The following SNX10 variants were observed in gnomAD, a reference collection of about 807,000 sequenced individuals.
The protein encoded by SNX10 is sorting nexin-10.
In SNX10, 25 loss-of-function variants were observed where a neutral mutation model predicts 28.5. The ratio of observed to expected loss-of-function variants is 0.88; its 90% confidence interval spans 0.64 to 1.22. The LOEUF is 1.22. Among genes scored for constraint, SNX10 ranks in the 50% most tolerant of loss-of-function variants. SNX10 has a pLI of 0.00. For synonymous variants in SNX10, 62 were observed against 81.4 expected (o/e 0.76, Z 1.28); for missense variants, 223 against 242.6 (o/e 0.92, Z 0.54).
intron 1 of SNX10, among the ~76,000 whole-genome samples, chr7:26,303,237 C>A (rs1283779597): frequency 2.0e-5 from 3 of 152,208 alleles, no homozygotes; most frequent in East Asian, 3.8e-4. Flanking sequence ...GAGAAACTTT[C>A]CTAAGTTAGC....
At chr7:26,345,156 CTT>C in intron 1 of SNX10, among the ~76,000 whole-genome samples, 1 of 152,302 alleles carries the variant, frequency 6.6e-6, no homozygotes, top group East Asian at 1.9e-4. Context: ...TCCAAAGACT[CTT>C]TTTTCAAATA....
At chr7:26,323,424 G>T (rs903230704) in intron 1 of SNX10, among the ~76,000 whole-genome samples, 3 of 152,116 alleles carry the variant, frequency 2.0e-5, no homozygotes, top group Admixed American at 6.6e-5. Flanking sequence ...CATAGTAGAT[G>T]CGAAGGCCCT....
intron 1 of SNX10, among the ~76,000 whole-genome samples, chr7:26,342,028 C>CTTTTT (rs35337348): frequency 1.8e-5 from 2 of 111,648 alleles, no homozygotes; most frequent in South Asian, 2.9e-4. Flanking sequence ...TTTCTTCTTT[C>CTTTTT]TTTTTTTTTT....
At chr7:26,367,219 T>C (rs999251839) in intron 5 of SNX10, among the ~76,000 whole-genome samples, 2 of 152,164 alleles carry the variant, frequency 1.3e-5, no homozygotes, top group African/African-American at 4.8e-5. Context: ...TAGATGTTTA[T>C]TAAGTGAATG....
At chr7:26,312,644 C>G (rs1021765928) in intron 1 of SNX10, among the ~76,000 whole-genome samples, 2 of 152,040 alleles carry the variant, frequency 1.3e-5, no homozygotes, top group African/African-American at 4.8e-5. Context: ...ATTAGCCAGG[C>G]GTGTTGGCGC....
At chr7:26,306,952 A>G (rs556182606) in intron 1 of SNX10, among the ~76,000 whole-genome samples, 1 of 152,184 alleles carries the variant, frequency 6.6e-6, no homozygotes, top group Non-Finnish European at 1.5e-5. Flanking sequence ...CAGAATGTGA[A>G]TTCACAACCA....
In SNX10 at chr7:26,372,623, T is replaced by G; in HGVS notation, c.*51T>G. 6 of 1,049,356 alleles carry G rather than the reference T, an allele frequency of 5.7e-6. 1 individual carries two copies. In the South Asian group the frequency reaches 7.5e-5, roughly 13 times the overall value. 65.0% of individuals were successfully genotyped at this position (1,049,356 alleles called of 1,614,324 possible). A position where few individuals can be genotyped will look rare whatever the true frequency, so the allele number is the denominator to read the frequency against. On this transcript the variant is annotated 3_prime_UTR_variant, in exon 7 of 7. Coordinates refer to ENST00000338523, the MANE Select transcript of SNX10 (RefSeq NM_013322.3). ...AGGAATAGCAAATTATGTCCAGTCA[T>G]AGAGAAGAAAGCTTCATAATAATAC...
chr7:26,348,288 C>G (rs186630970), intron 2 of SNX10, among the ~76,000 whole-genome samples: 1 of 152,164 alleles, frequency 6.6e-6, no homozygotes, highest in Non-Finnish European at 1.5e-5. Context: ...CCGGGAAATA[C>G]CCGCCCATGA....
intron 2 of SNX10, among the ~76,000 whole-genome samples, chr7:26,352,977 C>T (rs1413291424): frequency 1.3e-5 from 2 of 151,438 alleles, no homozygotes; most frequent in African/African-American, 4.9e-5. Context: ...TTTCTTACTG[C>T]AGAAGAGGAG....
chr7:26,327,869 A>G (rs1357176385), intron 1 of SNX10, among the ~76,000 whole-genome samples: 1 of 150,518 alleles, frequency 6.6e-6, no homozygotes, highest in African/African-American at 2.4e-5. Context: ...AGCTGGGACT[A>G]CAGGTGCCTG....
At chr7:26,350,373 A>G (rs1788550003) in intron 2 of SNX10, among the ~76,000 whole-genome samples, 1 of 152,084 alleles carries the variant, frequency 6.6e-6, no homozygotes, top group Admixed American at 6.5e-5. Context: ...GCCGGCAGGG[A>G]GGGATGTGTT....
chr7:26,341,946 T>TCCCTTCCCTC (rs1554357400), intron 1 of SNX10, among the ~76,000 whole-genome samples: 10 of 147,012 alleles, frequency 6.8e-5, no homozygotes, highest in African/African-American at 1.0e-4. Flanking sequence ...TCCCTTCCCT[T>TCCCTTCCCTC]CCCTCCCCTC....
chr7:26,300,832 A>G (rs1023758082), intron 1 of SNX10, among the ~76,000 whole-genome samples: 10 of 152,036 alleles, frequency 6.6e-5, no homozygotes, highest in African/African-American at 2.4e-4. Context: ...CAGCCTGGCC[A>G]ACATGGCGAA....
chr7:26,295,611 C>A (rs1786077583), intron 1 of SNX10, among the ~76,000 whole-genome samples: 1 of 152,222 alleles, frequency 6.6e-6, no homozygotes, highest in Non-Finnish European at 1.5e-5. Flanking sequence ...GTCTCATATT[C>A]TTTCCATTAT....
chr7:26,372,011 G>T lies in SNX10; in HGVS notation c.502G>T (p.Asp168Tyr), dbSNP rs1394069986. The change falls in exon 6 of 7, where the codon GAT (aspartate) becomes TAT (tyrosine). Residue 168 changes from aspartate to tyrosine, a missense_variant. Physicochemically the swap from Asp to Tyr is radical, Grantham distance 160. Coordinates refer to ENST00000338523, the MANE Select transcript of SNX10 (RefSeq NM_013322.3). Reference sequence around the variant, plus strand: ...AGATGAAGAAGGAAAAAAAGAAAATGATATAGATTATGATTCAGAAAGGTA... The same window carrying T: ...AGATGAAGAAGGAAAAAAAGAAAATTATATAGATTATGATTCAGAAAGGTA... ...EEDEEGKKEN[D>Y]IDYDSESSSS... 6.2e-7 allele frequency: 1 copy of T among 1,606,918 alleles called. No individual in the cohort carries two copies. The highest frequency in any genetic ancestry group is 2.2e-5 in the East Asian group (1 of 44,812).
intron 1 of SNX10, among the ~76,000 whole-genome samples, chr7:26,345,651 TG>T (rs1363147465): frequency 6.6e-6 from 1 of 152,124 alleles, no homozygotes; most frequent in Admixed American, 6.5e-5. Flanking sequence ...ACCCGGAAAG[TG>T]GGCTCAGACA....
chr7:26,310,695 T>C (rs1584100626), intron 1 of SNX10, among the ~76,000 whole-genome samples: 1 of 151,554 alleles, frequency 6.6e-6, no homozygotes, highest in East Asian at 1.9e-4. Flanking sequence ...TTTTTTTTTT[T>C]TTTTGAGACA....
intron 1 of SNX10, among the ~76,000 whole-genome samples, chr7:26,329,544 T>C (rs1787643618): frequency 6.6e-6 from 1 of 152,250 alleles, no homozygotes; most frequent in Non-Finnish European, 1.5e-5. Flanking sequence ...CTCTCACTAT[T>C]ATGTAAGTGA....
At chr7:26,335,558 C>CT (rs1392047046) in intron 1 of SNX10, among the ~76,000 whole-genome samples, 1 of 145,224 alleles carries the variant, frequency 6.9e-6, no homozygotes, top group Non-Finnish European at 1.5e-5. Context: ...GCCTGTAGAT[C>CT]TGCCCTAGGA....
Sources: allele counts gnomAD v4.1 joint callset (sites outside exome capture counted in the v4.1 genomes callset), GRCh38; gene constraint gnomAD v4.1.1; transcripts MANE v1.5; gene names NCBI Gene and HGNC (gene_info 2026-07-23, HGNC 2026-07-21).